MNT: variants seen among roughly 807,000 people sequenced by gnomAD.
MNT encodes the protein max-binding protein MNT.
Under a neutral mutation model 40.7 loss-of-function variants are expected in MNT, and 13 were observed. That is an observed-to-expected ratio of 0.32 (90% CI 0.21 to 0.51). The LOEUF (loss-of-function observed/expected upper bound fraction) is 0.51. Among genes scored for constraint, MNT ranks in the 20% least tolerant of loss-of-function variants. MNT has a pLI of 0.98. For missense variants in MNT, 757 were observed against 792.0 expected (o/e 0.96, Z 0.53); for synonymous variants, 426 against 354.8 (o/e 1.20, Z -2.26).
In MNT at chr17:2,387,835, C is replaced by T. The variant is rs1194458069; in HGVS notation, c.1000+22G>A. On this transcript the variant is annotated intron_variant, in intron 5 of 5. Transcript: ENST00000174618. ...GTGTAACATCTGAGGGCTGGGGGGCCAGCGTGGGGGCTGGGGCTCACCAGA... is the reference window on the plus strand; with the variant it reads ...GTGTAACATCTGAGGGCTGGGGGGCTAGCGTGGGGGCTGGGGCTCACCAGA... 3 of 1,578,122 alleles carry T rather than the reference C, an allele frequency of 1.9e-6. No homozygotes were observed. The South Asian group carries it at 3.4e-5, about 18-fold the overall frequency.
Position 2,386,058 on chromosome 17 carries a change from T to TGGGGACA in MNT, c.*836_*842dup, listed in dbSNP as rs1450884161. On this transcript the variant is annotated 3_prime_UTR_variant, in exon 6 of 6. Coordinates refer to ENST00000174618, the MANE Select transcript of MNT (RefSeq NM_020310.3). ...AAGCCCAGGGCTGGGGACTGGGGACTGGGGACAGGGGCCCAGTGGCTCTCC... is the reference window on the plus strand; with the variant it reads ...AAGCCCAGGGCTGGGGACTGGGGACTGGGGACAGGGGACAGGGGCCCAGTGGCTCTCC... 1 of 150,686 alleles carries TGGGGACA rather than the reference T, an allele frequency of 6.6e-6. No homozygotes were observed. The highest frequency in any genetic ancestry group is 1.5e-5 in the Non-Finnish European group (1 of 68,146). 9.3% of individuals were successfully genotyped at this position (150,686 alleles called of 1,614,324 possible).
In MNT at chr17:2,387,146, C is replaced by T; in HGVS notation, c.1504G>A (p.Ala502Thr). The T allele has an allele frequency of 6.3e-7, 1 of 1,598,414 alleles. No homozygotes were observed. Among genetic ancestry groups the T allele is most frequent in the Non-Finnish European group, 8.5e-7 (1 of 1,173,606 alleles). ...AAGGGCAGCTGGGAGCCCAGGTGGG[C>T]CACATGGTTGAGGGTGGCAGGGTGC... is the stretch of plus-strand genomic sequence containing the variant. ...TVHPATLNHV[A>T]HLGSQLPLYP... Residue 502 changes from alanine (A) to threonine (T), a missense_variant, in exon 6 of 6, where the codon GCC becomes ACC. Physicochemically the swap from Ala to Thr is moderately conservative, Grantham distance 58 (BLOSUM62 0). Around this residue, in one of 4 missense-constraint regions of MNT, gnomAD observed 345 missense variants for 380.1 expected, o/e 0.91. Coordinates refer to ENST00000174618, the MANE Select transcript of MNT (RefSeq NM_020310.3).
At chr17:2,395,601 G>A in intron 1 of MNT, 147 bp from the exon 2 acceptor site, 2 of 1,427,226 alleles carry the variant, frequency 1.4e-6, no homozygotes, top group Non-Finnish European at 1.9e-6. Flanking sequence ...AGCCCAGCCA[G>A]GCACGGGGGA....
At chr17:2,400,312 C>G (rs980358407) in intron 1 of MNT, 1 of 276,892 alleles carries the variant, frequency 3.6e-6, no homozygotes, top group Non-Finnish European at 6.9e-6. Context: ...CCTCACCCCA[C>G]CCCCCGGCTC....
At chr17:2,387,729 T>C in intron 5 of MNT, 80 bp from the exon 6 acceptor site, 1 of 1,569,972 alleles carries the variant, frequency 6.4e-7, no homozygotes, top group South Asian at 1.1e-5. Context: ...CGTGGGGGCG[T>C]GGGAATGTGA....
intron 4 of MNT, chr17:2,391,970 C>T (rs1443839128): frequency 3.3e-5 from 5 of 152,282 alleles, no homozygotes; most frequent in African/African-American, 1.2e-4. Flanking sequence ...CCTGTTCCCT[C>T]CTGCTGGAGA....
chr17:2,394,913 T>C lies in MNT; in HGVS notation c.615A>G (p.Glu205=). 5 of 1,604,388 alleles carry C rather than the reference T, an allele frequency of 3.1e-6. No homozygotes were observed. The highest frequency in any genetic ancestry group is 4.3e-6 in the Non-Finnish European group (5 of 1,176,080). Residue 205 remains glutamate, a synonymous_variant, in exon 2 of 6, where the codon GAA becomes GAG. Coordinates refer to ENST00000174618, the MANE Select transcript of MNT (RefSeq NM_020310.3). ...TCTTCTGTTCACTGGATTTGACTTC[T>C]TCAGCTGGTGCCAACTTCAGGGTCC... ...TLGTLKLAPA[E]EVKSSEQKKR...
intron 4 of MNT, chr17:2,391,278 C>G (rs756290754): frequency 6.6e-6 from 1 of 152,390 alleles, no homozygotes; most frequent in African/African-American, 2.4e-5. Context: ...CGTGAGCCAT[C>G]GCGCCCAGCC....
Position 2,388,007 on chromosome 17 carries a change from G to A in MNT, c.850C>T (p.Arg284Trp), listed in dbSNP as rs866017809. 10 of 1,570,124 alleles carry A rather than the reference G, an allele frequency of 6.4e-6. No individual in the cohort carries two copies. Among genetic ancestry groups the A allele is most frequent in the African/African-American group, 2.7e-5 (2 of 73,600 alleles). ...KEKEYEHEME[R>W]LAREKIATQQ... The stretch of plus-strand genomic sequence containing the variant: ...GTGGCAATCTTCTCACGTGCCAGCC[G>A]CTCCATTTCATGCTCATATTCCTTC... The change falls in exon 5 of 6, where the codon CGG becomes TGG. Residue 284 changes from arginine to tryptophan, a missense_variant. Physicochemically the swap from Arg to Trp is moderately radical, Grantham distance 101. Transcript: ENST00000174618.
Position 2,395,383 on chromosome 17 carries a change from G to A in MNT, c.145C>T (p.Leu49=). The change falls in exon 2 of 6, where the codon CTG becomes TTG. Residue 49 remains leucine, a synonymous_variant. Coordinates refer to ENST00000174618, the MANE Select transcript of MNT (RefSeq NM_020310.3). ...TCCTCCACAGGAAGGGTATGTGCCA[G>A]CCTGGCCAGGCTATTGGCCTTCTTC... ...EQKKANSLAR[L]AHTLPVEEPR... is the part of the protein sequence containing the mutation. The A allele has an allele frequency of 6.2e-7, 1 of 1,613,668 alleles. No individual in the cohort carries two copies. Among genetic ancestry groups the A allele is most frequent in the Non-Finnish European group, 8.5e-7 (1 of 1,179,940 alleles).
intron 4 of MNT, 159 bp from the exon 5 acceptor site, chr17:2,388,208 G>C: frequency 3.0e-6 from 2 of 657,362 alleles, no homozygotes. Context: ...ACCTGTTGTG[G>C]TCCATGCCCC....
At chr17:2,393,752 G>C (rs1050654112) in intron 4 of MNT, 6 of 170,964 alleles carry the variant, frequency 3.5e-5, no homozygotes, top group Admixed American at 1.3e-4. Context: ...CCGCCATCGG[G>C]ACTCGCACCA....
At chr17:2,397,826 G>A (rs899250116) in intron 1 of MNT, among the ~76,000 whole-genome samples, 11 of 152,320 alleles carry the variant, frequency 7.2e-5, no homozygotes, top group South Asian at 2.1e-4. Context: ...GGAGCACCCT[G>A]CGCTTAGGCT....
At chr17:2,388,400 T>G in intron 4 of MNT, 32 of 228,440 alleles carry the variant, frequency 1.4e-4, no homozygotes, top group East Asian at 5.7e-4. Context: ...TGCCGCGAGC[T>G]ACCCTCTAAG....
intron 1 of MNT, among the ~76,000 whole-genome samples, chr17:2,399,703 C>G (rs984649528): frequency 1.3e-5 from 2 of 152,168 alleles, no homozygotes; most frequent in Admixed American, 6.5e-5. Flanking sequence ...CGGGCCGCGC[C>G]GTCCCCAGCA....
chr17:2,397,833 G>C (rs916307039), intron 1 of MNT, among the ~76,000 whole-genome samples: 7 of 152,216 alleles, frequency 4.6e-5, no homozygotes, highest in Non-Finnish European at 1.0e-4. Flanking sequence ...CCTGCGCTTA[G>C]GCTCTTTAAA....
Position 2,394,052 on chromosome 17 carries a change from C to G in MNT, c.798G>C (p.Arg266=), listed in dbSNP as rs1031898761. 2 of 1,603,116 alleles carry G rather than the reference C, an allele frequency of 1.2e-6. No homozygotes were observed. Among genetic ancestry groups the G allele is most frequent in the Admixed American group, 1.7e-5 (1 of 59,320 alleles). ...CCTCCGGGCCCCATACCTGGATGTA[C>G]CGCAGCGCCGTCCGCAGCACGCTCA... The part of the protein sequence containing the change: ...SNLSVLRTAL[R]YIQSLKRKEK... Residue 266 remains arginine, a synonymous_variant, in exon 4 of 6, where the codon CGG becomes CGC. Transcript: ENST00000174618.
chr17:2,388,834 C>G (rs1189671826), intron 4 of MNT, among the ~76,000 whole-genome samples: 1 of 152,188 alleles, frequency 6.6e-6, no homozygotes. Context: ...GTCTCACAGA[C>G]CTCCCTGCTG....
At chr17:2,394,389 T>C in intron 2 of MNT, 43 bp from the exon 3 acceptor site, 1 of 1,612,380 alleles carries the variant, frequency 6.2e-7, no homozygotes, top group East Asian at 2.2e-5. Context: ...GAGGACTCGA[T>C]TAGACGGCCT....
Sources: allele counts gnomAD v4.1 joint callset (sites outside exome capture counted in the v4.1 genomes callset), GRCh38; gene constraint gnomAD v4.1.1; regional missense constraint gnomAD v4.1.1; transcripts MANE v1.5; gene names NCBI Gene and HGNC (gene_info 2026-07-23, HGNC 2026-07-21).